Variants in PTPRN2 observed in about 807,000 individuals in gnomAD.
PTPRN2 encodes receptor-type tyrosine-protein phosphatase N2.
PTPRN2 carries 74 observed loss-of-function variants against 118.8 expected under a neutral mutation model. The ratio of observed to expected loss-of-function variants is 0.62; its 90% confidence interval spans 0.52 to 0.76. PTPRN2 has a LOEUF of 0.76. PTPRN2 is among the 30% of genes least tolerant of loss of function. The probability of loss-of-function intolerance (pLI) is 0.00; values close to 1 mark genes in which losing one functional copy is unlikely to be tolerated. For missense variants in PTPRN2, 1,481 were observed against 1,394.4 expected (o/e 1.06, Z -0.99); for synonymous variants, 641 against 608.0 (o/e 1.05, Z -0.80).
chr7:158,279,915 C>G (rs1265712145), intron 3 of PTPRN2, among the ~76,000 whole-genome samples: 1 of 152,150 alleles, frequency 6.6e-6, no homozygotes, highest in Non-Finnish European at 1.5e-5. Context: ...CACGGTGTGC[C>G]AGGTAAAATA....
chr7:157,817,037 G>A (rs1486954121), intron 12 of PTPRN2, among the ~76,000 whole-genome samples: 3 of 152,202 alleles, frequency 2.0e-5, no homozygotes, highest in African/African-American at 7.2e-5. Flanking sequence ...CCCGGAGGCC[G>A]ATGGGCCCTC....
chr7:158,466,726 C>G (rs1015457787), intron 2 of PTPRN2, among the ~76,000 whole-genome samples: 4 of 152,182 alleles, frequency 2.6e-5, no homozygotes, highest in African/African-American at 9.7e-5. Flanking sequence ...CTTGAGGAAC[C>G]TACACACTGT....
chr7:158,126,506 C>T (rs1398032476), intron 9 of PTPRN2, among the ~76,000 whole-genome samples: 1 of 57,828 alleles, frequency 1.7e-5, no homozygotes, highest in Non-Finnish European at 3.1e-5. Flanking sequence ...CAGCGGGCGG[C>T]GGAACTTCCT....
intron 1 of PTPRN2, among the ~76,000 whole-genome samples, chr7:158,510,964 C>A (rs1006122150): frequency 1.3e-5 from 2 of 152,254 alleles, no homozygotes; most frequent in African/African-American, 4.8e-5. Context: ...GGATTCCTGC[C>A]ACCCATGTGA....
intron 11 of PTPRN2, among the ~76,000 whole-genome samples, chr7:157,951,215 G>C (rs553729658): frequency 1.6e-4 from 25 of 152,236 alleles, no homozygotes; most frequent in African/African-American, 6.0e-4. Context: ...TTCAGAGAAG[G>C]ATGATCTGTT....
intron 3 of PTPRN2, among the ~76,000 whole-genome samples, chr7:158,308,824 G>A (rs890162430): frequency 4.6e-5 from 7 of 151,832 alleles, no homozygotes; most frequent in Admixed American, 4.6e-4. Flanking sequence ...AAAATTACAA[G>A]GACTATACAG....
intron 2 of PTPRN2, among the ~76,000 whole-genome samples, chr7:158,466,094 A>T (rs1819362547): frequency 6.6e-6 from 1 of 152,194 alleles, no homozygotes; most frequent in Non-Finnish European, 1.5e-5. Flanking sequence ...GGCGTGCAAC[A>T]TGATGTTGGA....
intron 2 of PTPRN2, among the ~76,000 whole-genome samples, chr7:158,369,860 CA>C (rs911915761): frequency 1.7e-4 from 26 of 152,190 alleles, no homozygotes; most frequent in African/African-American, 6.3e-4. Flanking sequence ...AAATGACAAC[CA>C]TAAAAAGCAA....
In PTPRN2 at chr7:158,088,499, C is replaced by G. The variant is rs1414423458; in HGVS notation, c.1644-7122G>C. On this transcript the variant is annotated intron_variant, in intron 10 of 22. Transcript: ENST00000389418. ...GGAGTCTTCACACAAACCTTCTTCC[C>G]CTGATGAAAGAGGGAGTCTTCACAC... 1.8e-4 allele frequency among the ~76,000 whole-genome samples: 2 copies of G among 11,122 alleles called. 1 individual carries two copies. Among genetic ancestry groups the G allele is most frequent in the Non-Finnish European group, 7.9e-4 (2 of 2,522 alleles). 7.3% of individuals were successfully genotyped at this position (11,122 alleles called of 152,430 possible).
chr7:158,530,876 T>C lies in PTPRN2; in HGVS notation c.113-41091A>G, dbSNP rs116312522. The stretch of plus-strand genomic sequence containing the variant: ...TGCAGGTTCCAGGAAGGACGTTCAC[T>C]CAGCAGAGCAGGGGAATGGCAGGCT... On this transcript the variant is annotated intron_variant, in intron 1 of 22. Transcript: ENST00000389418. 8.0e-3 allele frequency among the ~76,000 whole-genome samples: 1,214 copies of C among 152,244 alleles called. 15 individuals are homozygous for C. The highest frequency in any genetic ancestry group is 0.026 in the African/African-American group (1,099 of 41,532).
chr7:158,337,153 TA>T (rs1805761057), intron 2 of PTPRN2, among the ~76,000 whole-genome samples: 4 of 152,074 alleles, frequency 2.6e-5, no homozygotes, highest in East Asian at 1.9e-4. Flanking sequence ...ACTCTCACCA[TA>T]AGAGGTGACA....
chr7:158,065,144 G>A (rs184138797), intron 11 of PTPRN2, among the ~76,000 whole-genome samples: 1 of 152,332 alleles, frequency 6.6e-6, no homozygotes, highest in East Asian at 1.9e-4. Context: ...AGAAACGCCT[G>A]ACATGGCAGT....
chr7:157,958,129 C>T (rs1801298017), intron 11 of PTPRN2, among the ~76,000 whole-genome samples: 1 of 152,130 alleles, frequency 6.6e-6, no homozygotes. Context: ...ACCCCACTAA[C>T]AGAATGAAGG....
chr7:158,192,448 C>T lies in PTPRN2; in HGVS notation c.428G>A (p.Gly143Asp), dbSNP rs724159886. 1.9e-6 allele frequency: 3 copies of T among 1,567,932 alleles called. No individual in the cohort carries two copies. Among genetic ancestry groups the T allele is most frequent in the Non-Finnish European group, 2.6e-6 (3 of 1,163,780 alleles). ...GAGGGCGTTGGCCAGGGCAGCACCG[C>T]CCTCCCGACTGTACCTCCTCTCGCT... ...VGSERRYSRE[G>D]GAALANALRR... The change falls in exon 5 of 23, where the codon GGC becomes GAC. Residue 143 changes from glycine (G) to aspartate (D), a missense_variant. Coordinates refer to ENST00000389418, the MANE Select transcript of PTPRN2 (RefSeq NM_002847.5).
chr7:158,004,696 C>T lies in PTPRN2; in HGVS notation c.1723+76602G>A, dbSNP rs115351348. On this transcript the variant is annotated intron_variant, in intron 11 of 22. Transcript: ENST00000389418. ...TAAATTTTTCATTTTTTAAAAAATT[C>T]ATGACAGTATTTGATTCCCAGAGGT... Among the ~76,000 whole-genome samples, 848 of 152,280 alleles carry T rather than the reference C, an allele frequency of 5.6e-3. 9 individuals carry two copies. Among genetic ancestry groups the T allele is most frequent in the African/African-American group, 0.02 (824 of 41,556 alleles).
chr7:158,052,894 A>G (rs1809444863), intron 11 of PTPRN2, among the ~76,000 whole-genome samples: 2 of 152,090 alleles, frequency 1.3e-5, no homozygotes, highest in Admixed American at 6.5e-5. Flanking sequence ...CCTAGGACAA[A>G]GCTCCCTGGG....
chr7:157,805,455 T>G (rs1418682620), intron 12 of PTPRN2, among the ~76,000 whole-genome samples: 2 of 152,126 alleles, frequency 1.3e-5, no homozygotes, highest in East Asian at 3.8e-4. Flanking sequence ...TAGGCTGGAG[T>G]AAAATTCAGG....
At chr7:158,308,343 C>A (rs1801451908) in intron 3 of PTPRN2, among the ~76,000 whole-genome samples, 1 of 152,116 alleles carries the variant, frequency 6.6e-6, no homozygotes, top group African/African-American at 2.4e-5. Context: ...CTAGCAAGTT[C>A]TAAATGGAGT....
chr7:157,984,250 T>TCCCCACGCCAGGCTCCACC (rs749228452), intron 11 of PTPRN2, among the ~76,000 whole-genome samples: 2 of 53,218 alleles, frequency 3.8e-5, no homozygotes, highest in Non-Finnish European at 7.2e-5. Context: ...AGGCTCCACC[T>TCCCCACGCCAGGCTCCACC]CCCCACGCCA....
Sources: allele counts gnomAD v4.1 joint callset (sites outside exome capture counted in the v4.1 genomes callset), GRCh38; gene constraint gnomAD v4.1.1; transcripts MANE v1.5; gene names NCBI Gene and HGNC (gene_info 2026-07-23, HGNC 2026-07-21).